DGKB: variants seen among roughly 807,000 people sequenced by gnomAD.
DGKB encodes the protein diacylglycerol kinase beta.
DGKB carries 67 observed loss-of-function variants against 114.3 expected under a neutral mutation model. That is an observed-to-expected ratio of 0.59 (90% confidence interval 0.48 to 0.72). The LOEUF is 0.72. DGKB is among the 30% of genes least tolerant of loss of function. The pLI, the probability that DGKB is intolerant of heterozygous loss-of-function variation, is 0.00. For synonymous variants in DGKB, 398 were observed against 323.1 expected (o/e 1.23, Z -2.49); for missense variants, 907 against 975.2 (o/e 0.93, Z 0.93).
intron 23 of DGKB, among the ~76,000 whole-genome samples, chr7:14,281,159 G>T (rs1211819070): frequency 6.6e-6 from 1 of 150,832 alleles, no homozygotes. Context: ...TAAAAGGATG[G>T]AGGAAGATCT....
At chr7:14,553,659 T>A (rs1166515660) in intron 20 of DGKB, among the ~76,000 whole-genome samples, 1 of 152,270 alleles carries the variant, frequency 6.6e-6, no homozygotes, top group East Asian at 1.9e-4. Context: ...CATCATGGTA[T>A]GTATGGGTTT....
At chr7:14,211,079 C>T (rs1191380421) in intron 23 of DGKB, among the ~76,000 whole-genome samples, 2 of 152,022 alleles carry the variant, frequency 1.3e-5, no homozygotes, top group Admixed American at 6.6e-5. Context: ...TTATAGGTTT[C>T]TTCACTGTGT....
chr7:14,150,471 A>G (rs1235293540), intron 25 of DGKB, among the ~76,000 whole-genome samples: 17 of 152,140 alleles, frequency 1.1e-4, no homozygotes, highest in Admixed American at 1.0e-3. Context: ...TTTACTTCAC[A>G]GTCTAGAAAG....
intron 20 of DGKB, among the ~76,000 whole-genome samples, chr7:14,567,594 G>GATAT (rs577240186): frequency 0.03 from 2,919 of 98,386 alleles, 101 homozygotes; most frequent in African/African-American, 0.083. Flanking sequence ...TATAAATAAA[G>GATAT]ATATATATAT....
chr7:14,289,744 C>CAAAA (rs3067647), intron 23 of DGKB, among the ~76,000 whole-genome samples: 3 of 126,810 alleles, frequency 2.4e-5, no homozygotes, highest in Admixed American at 7.9e-5. Context: ...AGACATGGAC[C>CAAAA]AAAAAAAAAA....
intron 23 of DGKB, among the ~76,000 whole-genome samples, chr7:14,250,444 C>T (rs1262131245): frequency 6.6e-6 from 1 of 152,080 alleles, no homozygotes; most frequent in South Asian, 2.1e-4. Flanking sequence ...TTAGTTTCCT[C>T]ATATTTTTAA....
At chr7:14,366,494 T>C (rs1158858043) in intron 21 of DGKB, among the ~76,000 whole-genome samples, 2 of 152,144 alleles carry the variant, frequency 1.3e-5, no homozygotes, top group African/African-American at 2.4e-5. Flanking sequence ...GCATTTGACC[T>C]ATGGGAAGCT....
At chr7:14,685,221 T>G in intron 10 of DGKB, 24 bp downstream of exon 10, 1 of 1,502,268 alleles carries the variant, frequency 6.7e-7, no homozygotes, top group Non-Finnish European at 9.3e-7. Flanking sequence ...GGAGATGATG[T>G]CCAGGCAGAG....
intron 20 of DGKB, among the ~76,000 whole-genome samples, chr7:14,519,475 T>C (rs1187364293): frequency 2.0e-5 from 3 of 152,126 alleles, no homozygotes; most frequent in Non-Finnish European, 2.9e-5. Flanking sequence ...GCATTTTGTT[T>C]GTCCATTCAC....
intron 21 of DGKB, among the ~76,000 whole-genome samples, chr7:14,391,193 A>C (rs565109869): frequency 1.3e-5 from 2 of 152,314 alleles, no homozygotes; most frequent in East Asian, 3.9e-4. Flanking sequence ...TCAGTTAACA[A>C]CTATTTTTGC....
chr7:14,898,156 A>G (rs895869652), intron 1 of DGKB, among the ~76,000 whole-genome samples: 24 of 152,080 alleles, frequency 1.6e-4, no homozygotes, highest in African/African-American at 7.2e-5. Context: ...GTAGGAGATT[A>G]AAGGACAAAA....
chr7:14,165,159 T>G (rs1784439779), intron 25 of DGKB, among the ~76,000 whole-genome samples: 1 of 152,196 alleles, frequency 6.6e-6, no homozygotes, highest in South Asian at 2.1e-4. Context: ...AAAATATTTT[T>G]AACCTCAGAC....
chr7:14,972,238 G>A (rs932504540), intron 1 of DGKB, among the ~76,000 whole-genome samples: 4 of 151,926 alleles, frequency 2.6e-5, no homozygotes, highest in Admixed American at 2.0e-4. Flanking sequence ...ATAAATACTA[G>A]TAAAAATCTC....
intron 23 of DGKB, among the ~76,000 whole-genome samples, chr7:14,266,023 C>A (rs570741603): frequency 6.6e-6 from 1 of 152,108 alleles, no homozygotes; most frequent in South Asian, 2.1e-4. Flanking sequence ...CAGACTAAGT[C>A]GGTAAATGCT....
intron 25 of DGKB, among the ~76,000 whole-genome samples, chr7:14,170,322 T>C (rs909890501): frequency 2.0e-5 from 3 of 152,184 alleles, no homozygotes; most frequent in African/African-American, 7.2e-5. Context: ...TTACTTGACT[T>C]CTCTGGCTTC....
chr7:14,166,664 G>C (rs1354252309), intron 25 of DGKB, among the ~76,000 whole-genome samples: 3 of 152,168 alleles, frequency 2.0e-5, no homozygotes. Flanking sequence ...ATCTGAAGTT[G>C]CTGAAAAGAA....
At chr7:14,216,891 A>G (rs375647495) in intron 23 of DGKB, among the ~76,000 whole-genome samples, 9 of 152,178 alleles carry the variant, frequency 5.9e-5, no homozygotes, top group African/African-American at 2.2e-4. Context: ...TTCAGTAGAT[A>G]GAATTATGAA....
chr7:14,482,948 A>G (rs1470155382), intron 20 of DGKB, among the ~76,000 whole-genome samples: 3 of 152,112 alleles, frequency 2.0e-5, no homozygotes, highest in Non-Finnish European at 4.4e-5. Flanking sequence ...TATGCTGCAG[A>G]ATAGTTAATA....
Position 14,236,327 on chromosome 7 carries a change from G to A in DGKB, c.2123-58176C>T, listed in dbSNP as rs889952811. 1.3e-5 allele frequency among the ~76,000 whole-genome samples: 2 copies of A among 149,294 alleles called. 1 individual carries two copies. The highest frequency in any genetic ancestry group is 1.3e-4 in the Admixed American group (2 of 14,886). ...AACAATTTTCATAGAAAAATGGAGA[G>A]TATTCATTCCAATTAATAAAAAAAA... On this transcript the variant is annotated intron_variant, in intron 23 of 25. Transcript: ENST00000402815.
Sources: gnomAD v4.1 joint callset for allele counts (sites outside exome capture counted in the v4.1 genomes callset) on GRCh38, gnomAD v4.1.1 for gene constraint, MANE v1.5 for transcripts, NCBI Gene and HGNC (gene_info 2026-07-23, HGNC 2026-07-21) for gene names.